The following DMD variants were observed in gnomAD, a reference collection of about 807,000 sequenced individuals.
The protein encoded by DMD is dystrophin, also known as mutant dystrophin.
DMD carries 63 observed loss-of-function variants against 330.1 expected under a neutral mutation model. The ratio of observed to expected loss-of-function variants is 0.19; its 90% CI spans 0.16 to 0.24. The LOEUF (loss-of-function observed/expected upper bound fraction) is 0.24. Among genes scored for constraint, DMD ranks in the 10% least tolerant of loss-of-function variants. DMD has a pLI of 1.00. For missense variants in DMD, 3,344 were observed against 2,684.1 expected (o/e 1.25, Z -5.43); for synonymous variants, 1,223 against 959.8 (o/e 1.27, Z -5.07).
At chrX:32,894,671 A>T (rs1373802577) in intron 2 of DMD, among the ~76,000 whole-genome samples, 1 of 111,880 alleles carries the variant, frequency 8.9e-6, no homozygotes, top group Non-Finnish European at 1.9e-5. Flanking sequence ...TTGCTGGGCT[A>T]CTCCCAGATT....
At chrX:33,111,381 C>T (rs2095338065) in intron 1 of DMD, among the ~76,000 whole-genome samples, 1 of 111,658 alleles carries the variant, frequency 9.0e-6, no homozygotes, top group Non-Finnish European at 1.9e-5. Flanking sequence ...AGAACCGTGC[C>T]CAATACTTAT....
At chrX:32,438,131 C>A in intron 29 of DMD, 110 bp downstream of exon 29, 1 of 850,864 alleles carries the variant, frequency 1.2e-6, no homozygotes, top group Admixed American at 2.5e-5. Flanking sequence ...GTCTCTGAAA[C>A]CTGAAAGCTG....
chrX:32,386,245 G>A, intron 33 of DMD, 65 bp downstream of exon 33: 1 of 1,143,431 alleles, frequency 8.7e-7, no homozygotes. Flanking sequence ...ATAATTTATT[G>A]CCCGTTGCTT....
chrX:31,522,353 C>CTA (rs1476139332), intron 55 of DMD, among the ~76,000 whole-genome samples: 20 of 62,814 alleles, frequency 3.2e-4, no homozygotes, highest in African/African-American at 1.0e-3. Context: ...CTCTCTCTCT[C>CTA]TCTCTCTCTC....
intron 47 of DMD, among the ~76,000 whole-genome samples, chrX:31,881,675 T>C (rs1039788411): frequency 3.6e-5 from 4 of 112,054 alleles, no homozygotes; most frequent in African/African-American, 9.7e-5. Context: ...TGTGTGACAA[T>C]TGACTACAGT....
At chrX:32,259,903 G>A (rs1322527988) in intron 43 of DMD, among the ~76,000 whole-genome samples, 1 of 111,303 alleles carries the variant, frequency 9.0e-6, no homozygotes, top group Admixed American at 9.6e-5. Context: ...CAGAGGAGTT[G>A]GAGATCATCT....
At chrX:31,763,016 T>G (rs1237572031) in intron 51 of DMD, among the ~76,000 whole-genome samples, 2 of 112,578 alleles carry the variant, frequency 1.8e-5, no homozygotes, top group Admixed American at 1.9e-4. Context: ...ACTAGTAATC[T>G]GTGAAGATAA....
At chrX:32,128,732 G>C (rs62591662) in intron 44 of DMD, among the ~76,000 whole-genome samples, 2 of 110,811 alleles carry the variant, frequency 1.8e-5, no homozygotes, top group Non-Finnish European at 3.8e-5. Flanking sequence ...TTCAACACTC[G>C]CATTTATCAC....
chrX:32,740,413 A>C (rs2148171012), intron 7 of DMD, among the ~76,000 whole-genome samples: 1 of 110,729 alleles, frequency 9.0e-6, no homozygotes, highest in South Asian at 3.8e-4. Flanking sequence ...TATCTATGGA[A>C]GAGGAAAACA....
intron 56 of DMD, among the ~76,000 whole-genome samples, chrX:31,497,480 G>A (rs186663681): frequency 2.5e-4 from 28 of 110,903 alleles, no homozygotes; most frequent in African/African-American, 8.5e-4. Flanking sequence ...CTTTATTTGT[G>A]TGCACCTGGG....
At chrX:32,098,415 T>A (rs925900577) in intron 44 of DMD, among the ~76,000 whole-genome samples, 3 of 111,852 alleles carry the variant, frequency 2.7e-5, no homozygotes, top group Admixed American at 1.9e-4. Flanking sequence ...AAATTTCTAG[T>A]TTTACACCAG....
chrX:32,393,661 CGT>C (rs2098019931), intron 30 of DMD, among the ~76,000 whole-genome samples: 1 of 110,164 alleles, frequency 9.1e-6, no homozygotes, highest in African/African-American at 3.3e-5. Flanking sequence ...TGTTTTCAAG[CGT>C]TAGAGGAAAG....
At chrX:32,924,461 G>A (rs2088776282) in intron 2 of DMD, among the ~76,000 whole-genome samples, 1 of 111,425 alleles carries the variant, frequency 9.0e-6, no homozygotes, top group African/African-American at 3.3e-5. Context: ...GGAATTCAAG[G>A]TTAGAGTGAG....
At chrX:31,984,539 CTT>C (rs939315983) in intron 44 of DMD, among the ~76,000 whole-genome samples, 1 of 112,056 alleles carries the variant, frequency 8.9e-6, no homozygotes, top group African/African-American at 3.2e-5. Flanking sequence ...GATCTTTTCT[CTT>C]GTTTGTTGTC....
chrX:32,518,982 C>T (rs1431057140), intron 17 of DMD, among the ~76,000 whole-genome samples: 1 of 98,734 alleles, frequency 1.0e-5, no homozygotes, highest in Non-Finnish European at 2.0e-5. Context: ...ATCACCTATC[C>T]TGTTATTTTC....
At chrX:31,479,186 A>T in intron 57 of DMD, 83 bp from the exon 58 acceptor site, 1 of 1,062,423 alleles carries the variant, frequency 9.4e-7, no homozygotes. Context: ...GAACTTGTTT[A>T]TGAAACTCCC....
At chrX:32,686,785 T>A (rs2062917306) in intron 9 of DMD, among the ~76,000 whole-genome samples, 1 of 109,359 alleles carries the variant, frequency 9.1e-6, no homozygotes, top group South Asian at 3.9e-4. Flanking sequence ...AAAAAGAAAA[T>A]CAAATTACTT....
At chrX:32,085,640 G>A (rs779994083) in intron 44 of DMD, among the ~76,000 whole-genome samples, 3 of 80,424 alleles carry the variant, frequency 3.7e-5, no homozygotes, top group African/African-American at 5.7e-5. Flanking sequence ...ACATATATAC[G>A]TATATATATG....
intron 2 of DMD, among the ~76,000 whole-genome samples, chrX:33,005,906 G>T (rs1318758220): frequency 9.0e-6 from 1 of 111,245 alleles, no homozygotes; most frequent in African/African-American, 3.3e-5. Flanking sequence ...TAGCAAAGTT[G>T]CAGGACACAA....
Sources: allele counts gnomAD v4.1 joint callset (sites outside exome capture counted in the v4.1 genomes callset), GRCh38; gene constraint gnomAD v4.1.1; transcripts MANE v1.5; gene names NCBI Gene and HGNC (gene_info 2026-07-23, HGNC 2026-07-21).